The following TTC27 variants were observed in gnomAD, a reference collection of about 807,000 sequenced individuals.
TTC27 encodes tetratricopeptide repeat protein 27.
A neutral mutation model predicts 115.9 loss-of-function variants in TTC27; 79 were observed. The ratio of observed to expected loss-of-function variants is 0.68; its 90% CI spans 0.57 to 0.82. The LOEUF is 0.82. TTC27 is among the 40% of genes least tolerant of loss of function. The probability of loss-of-function intolerance (pLI) is 0.00; values close to 1 mark genes in which losing one functional copy is unlikely to be tolerated. For synonymous variants in TTC27, 401 were observed against 356.0 expected (o/e 1.13, Z -1.42); for missense variants, 1,054 against 993.1 (o/e 1.06, Z -0.82).
intron 13 of TTC27, among the ~76,000 whole-genome samples, chr2:32,769,260 A>G (rs994599632): frequency 6.6e-6 from 1 of 152,254 alleles, no homozygotes; most frequent in Admixed American, 6.5e-5. Context: ...CAAGGGGTTC[A>G]TGGCACCTAA....
chr2:32,652,156 G>A (rs944131771), intron 5 of TTC27, among the ~76,000 whole-genome samples: 3 of 152,108 alleles, frequency 2.0e-5, no homozygotes, highest in East Asian at 3.9e-4. Flanking sequence ...GGTAGATCAC[G>A]AGGTCAGGAG....
chr2:32,640,151 T>G, intron 3 of TTC27, 119 bp from the exon 4 acceptor site: 1 of 917,368 alleles, frequency 1.1e-6, no homozygotes. Context: ...TGCTGTGTAA[T>G]ATATTAATGC....
chr2:32,747,038 C>T (rs1050599000), intron 12 of TTC27, among the ~76,000 whole-genome samples: 1 of 152,200 alleles, frequency 6.6e-6, no homozygotes, highest in Non-Finnish European at 1.5e-5. Context: ...TAGTGTTTCT[C>T]ACCTTCTCTG....
chr2:32,687,096 C>G (rs1348650105), intron 9 of TTC27, among the ~76,000 whole-genome samples: 5 of 152,158 alleles, frequency 3.3e-5, no homozygotes, highest in Non-Finnish European at 7.3e-5. Context: ...CCGCCTACCT[C>G]AGCCTCCCAA....
intron 4 of TTC27, 107 bp from the exon 5 acceptor site, chr2:32,650,024 A>G (rs1281384603): frequency 2.2e-6 from 2 of 889,604 alleles, no homozygotes; most frequent in African/African-American, 1.7e-5. Context: ...TTATTGAGGA[A>G]TAAATTTAAT....
Position 32,758,407 on chromosome 2 carries a change from G to C in TTC27, c.1568G>C (p.Arg523Pro), listed in dbSNP as rs772308713. Residue 523 changes from arginine (R) to proline (P), a missense_variant, in exon 13 of 20, where the codon CGG becomes CCG. Physicochemically the swap from Arg to Pro is moderately radical, Grantham distance 103. Transcript: ENST00000317907. ...SCYDKAWELS[R>P]YRSARAQRSK... Reference sequence around the variant, plus strand: ...TATGACAAGGCCTGGGAGTTGTCCCGGTACCGCAGTGCTCGTGCTCAGCGC... The same window carrying C: ...TATGACAAGGCCTGGGAGTTGTCCCCGTACCGCAGTGCTCGTGCTCAGCGC... 6.2e-7 allele frequency: 1 copy of C among 1,614,164 alleles called. No homozygotes were observed. Among genetic ancestry groups the C allele is most frequent in the Non-Finnish European group, 8.5e-7 (1 of 1,180,042 alleles).
At chr2:32,632,196 A>C (rs1024089359) in intron 2 of TTC27, among the ~76,000 whole-genome samples, 11 of 140,424 alleles carry the variant, frequency 7.8e-5, no homozygotes, top group African/African-American at 3.0e-4. Flanking sequence ...CTTTTTGTAG[A>C]GATGGTGTCT....
chr2:32,750,749 T>G (rs1355388046), intron 12 of TTC27, among the ~76,000 whole-genome samples: 1 of 152,242 alleles, frequency 6.6e-6, no homozygotes, highest in African/African-American at 2.4e-5. Context: ...TTAACAAACC[T>G]TGATTTGTTT....
chr2:32,664,455 A>G lies in TTC27; in HGVS notation c.793A>G (p.Ile265Val). 1.2e-6 allele frequency: 2 copies of G among 1,603,294 alleles called. No individual in the cohort carries two copies. The highest frequency in any genetic ancestry group is 1.7e-6 in the Non-Finnish European group (2 of 1,177,724). ...TGCTAAGGACATCAGCCAATTACAA[A>G]TTGATTTGACAGGTAAGACTTATTT... ...DIAKDISQLQ[I>V]DLTGALGKRT... is the part of the protein sequence containing the mutation. Residue 265 changes from isoleucine to valine, a missense_variant, in exon 6 of 20, where the codon ATT (isoleucine) becomes GTT (valine). Ile to Val is a conservative substitution (Grantham distance 29). Coordinates refer to ENST00000317907, the MANE Select transcript of TTC27 (RefSeq NM_017735.5).
intron 8 of TTC27, among the ~76,000 whole-genome samples, chr2:32,675,241 C>A (rs944334913): frequency 6.6e-6 from 1 of 152,098 alleles, no homozygotes; most frequent in Non-Finnish European, 1.5e-5. Context: ...TTTTACTGAC[C>A]CCAAATTCTG....
chr2:32,695,086 C>T (rs937395985), intron 9 of TTC27, among the ~76,000 whole-genome samples: 2 of 152,106 alleles, frequency 1.3e-5, no homozygotes, highest in African/African-American at 4.8e-5. Flanking sequence ...GGGTACAGTT[C>T]AGTGGCATTA....
chr2:32,755,231 C>A (rs1169886974), intron 12 of TTC27, among the ~76,000 whole-genome samples: 2 of 152,106 alleles, frequency 1.3e-5, no homozygotes, highest in Admixed American at 6.5e-5. Flanking sequence ...CCAAGGCAGG[C>A]GGCTGGGAGG....
At chr2:32,783,216 A>G (rs990151806) in intron 15 of TTC27, among the ~76,000 whole-genome samples, 3 of 152,186 alleles carry the variant, frequency 2.0e-5, no homozygotes, top group African/African-American at 7.2e-5. Context: ...CACACTTATT[A>G]TGTGCCAGCC....
chr2:32,753,839 CG>C (rs1398445392), intron 12 of TTC27, among the ~76,000 whole-genome samples: 1 of 152,046 alleles, frequency 6.6e-6, no homozygotes. Context: ...TCTGAGAGGC[CG>C]AGGTGGGCAG....
At chr2:32,646,381 C>G (rs1664860627) in intron 4 of TTC27, among the ~76,000 whole-genome samples, 1 of 151,788 alleles carries the variant, frequency 6.6e-6, no homozygotes, top group Admixed American at 6.6e-5. Context: ...ATTGCCCAGG[C>G]TTGTCTGAAA....
At chr2:32,769,742 A>G (rs1669765103) in intron 13 of TTC27, among the ~76,000 whole-genome samples, 1 of 152,238 alleles carries the variant, frequency 6.6e-6, no homozygotes, top group African/African-American at 2.4e-5. Flanking sequence ...AGCTATTTCT[A>G]TTCATTAAGC....
chr2:32,752,130 G>T (rs1669040943), intron 12 of TTC27, among the ~76,000 whole-genome samples: 1 of 152,098 alleles, frequency 6.6e-6, no homozygotes, highest in Non-Finnish European at 1.5e-5. Context: ...TCCCACCCTG[G>T]GTTCTAACCA....
chr2:32,640,499 G>T, intron 4 of TTC27, 89 bp downstream of exon 4: 1 of 1,353,054 alleles, frequency 7.4e-7, no homozygotes. Flanking sequence ...ACAATGTCTT[G>T]GTCTATTTTG....
At chr2:32,664,273 A>C in intron 5 of TTC27, 30 bp from the exon 6 acceptor site, 2 of 1,566,212 alleles carry the variant, frequency 1.3e-6, no homozygotes, top group Non-Finnish European at 1.7e-6. Flanking sequence ...TCTCATCATA[A>C]CTTTTAATGT....
Sources: allele counts gnomAD v4.1 joint callset (sites outside exome capture counted in the v4.1 genomes callset), GRCh38; gene constraint gnomAD v4.1.1; transcripts MANE v1.5; gene names NCBI Gene and HGNC (gene_info 2026-07-23, HGNC 2026-07-21).